The following NEDD4 variants were observed in gnomAD, a reference collection of about 807,000 sequenced individuals.
NEDD4 encodes the protein E3 ubiquitin-protein ligase NEDD4.
In NEDD4, 99 loss-of-function variants were observed where a neutral mutation model predicts 144.9. The ratio of observed to expected loss-of-function variants is 0.68; its 90% CI spans 0.58 to 0.81. The LOEUF (loss-of-function observed/expected upper bound fraction) is 0.81. Ranked by LOEUF, NEDD4 falls within the 30% of genes least tolerant of loss-of-function variation. The pLI, the probability that NEDD4 is intolerant of heterozygous loss-of-function variation, is 0.00. For synonymous variants in NEDD4, 318 were observed against 350.6 expected (o/e 0.91, Z 1.04); for missense variants, 985 against 1,065.9 (o/e 0.92, Z 1.06).
chr15:55,915,406 A>C (rs1353626831), intron 5 of NEDD4: 2 of 1,613,744 alleles, frequency 1.2e-6, no homozygotes. Flanking sequence ...CCTTTAGAAC[A>C]ATTGTGCTTA....
At chr15:55,836,127 G>A (rs1369735946) in intron 24 of NEDD4, among the ~76,000 whole-genome samples, 1 of 152,028 alleles carries the variant, frequency 6.6e-6, no homozygotes, top group Non-Finnish European at 1.5e-5. Flanking sequence ...TCCATGGTTG[G>A]CCAATCCCTC....
intron 4 of NEDD4, among the ~76,000 whole-genome samples, chr15:55,928,095 C>T (rs1286073261): frequency 3.3e-5 from 5 of 152,068 alleles, no homozygotes; most frequent in African/African-American, 1.2e-4. Flanking sequence ...GTGCAACCTC[C>T]GTCTCCTGGG....
chr15:55,983,623 T>G (rs2037842566), intron 1 of NEDD4, among the ~76,000 whole-genome samples: 1 of 151,724 alleles, frequency 6.6e-6, no homozygotes, highest in Non-Finnish European at 1.5e-5. Flanking sequence ...CTTTTTTTTT[T>G]TTTTTTGAGA....
At chr15:55,955,668 T>C (rs1249131031) in intron 2 of NEDD4, among the ~76,000 whole-genome samples, 3 of 152,158 alleles carry the variant, frequency 2.0e-5, no homozygotes, top group African/African-American at 7.2e-5. Context: ...ATAAACACTG[T>C]ATGTATATAC....
intron 1 of NEDD4, among the ~76,000 whole-genome samples, chr15:55,985,594 T>G (rs1157653634): frequency 1.3e-5 from 2 of 152,194 alleles, no homozygotes; most frequent in African/African-American, 4.8e-5. Flanking sequence ...GTCAAATTTT[T>G]TCACTGTTAG....
chr15:55,970,644 C>A (rs1012413889), intron 1 of NEDD4, among the ~76,000 whole-genome samples: 1 of 152,184 alleles, frequency 6.6e-6, no homozygotes, highest in Non-Finnish European at 1.5e-5. Context: ...GCCTGGTAAT[C>A]CAGGGAATTC....
intron 4 of NEDD4, among the ~76,000 whole-genome samples, chr15:55,943,508 G>A (rs975379579): frequency 6.6e-6 from 1 of 152,166 alleles, no homozygotes; most frequent in Non-Finnish European, 1.5e-5. Flanking sequence ...GTCTCAGGCC[G>A]CTGCTCTAGA....
chr15:55,849,727 T>C (rs1595746160), intron 14 of NEDD4, among the ~76,000 whole-genome samples: 1 of 150,546 alleles, frequency 6.6e-6, no homozygotes, highest in Non-Finnish European at 1.5e-5. Context: ...TTTAGTATTA[T>C]TTAAGCTATG....
intron 5 of NEDD4, among the ~76,000 whole-genome samples, chr15:55,915,103 AGT>A (rs1277844236): frequency 6.6e-6 from 1 of 152,142 alleles, no homozygotes; most frequent in African/African-American, 2.4e-5. Context: ...TAACAAATAG[AGT>A]AAAAAACTAT....
At chr15:55,854,351 C>T (rs1294408098) in intron 12 of NEDD4, among the ~76,000 whole-genome samples, 2 of 152,070 alleles carry the variant, frequency 1.3e-5, no homozygotes, top group Non-Finnish European at 2.9e-5. Context: ...TGATACATCA[C>T]AAAATGATGC....
At chr15:55,843,347 C>T (rs1437332673) in intron 18 of NEDD4, among the ~76,000 whole-genome samples, 1 of 152,194 alleles carries the variant, frequency 6.6e-6, no homozygotes, top group African/African-American at 2.4e-5. Flanking sequence ...TCATTTTACA[C>T]ATAAAACTGA....
chr15:55,832,134 C>G (rs1164040396), intron 27 of NEDD4, among the ~76,000 whole-genome samples: 2 of 145,508 alleles, frequency 1.4e-5, no homozygotes, highest in Non-Finnish European at 3.0e-5. Flanking sequence ...CTGCCTCCCA[C>G]AAGAAATGAA....
At chr15:55,949,247 T>G (rs1160452907) in intron 4 of NEDD4, among the ~76,000 whole-genome samples, 4 of 152,014 alleles carry the variant, frequency 2.6e-5, no homozygotes, top group Non-Finnish European at 5.9e-5. Flanking sequence ...AAAACCACAA[T>G]GAGATACCAT....
At chr15:55,917,009 G>C in intron 5 of NEDD4, 11 of 1,320,064 alleles carry the variant, frequency 8.3e-6, no homozygotes, top group Non-Finnish European at 9.6e-7. Flanking sequence ...ATCATAGAAA[G>C]AAAAAGACGA....
At position 55,833,967 on chromosome 15, in the gene NEDD4, A is replaced by T. The variant is rs1037135021; in HGVS notation, c.2430+71T>A. The T allele has an allele frequency of 3.2e-4, 346 of 1,074,062 alleles. 1 individual carries two copies. The highest frequency in any genetic ancestry group is 4.7e-4 in the Non-Finnish European group (334 of 716,404). The allele number at this position is 1,074,062 out of a possible 1,614,324, so 66.5% of individuals were successfully genotyped here. A position where few individuals can be genotyped will look rare whatever the true frequency, so the allele number is the denominator to read the frequency against. The stretch of plus-strand genomic sequence containing the variant: ...TTAAATGTAATCCACCAGTATAGTT[A>T]ATCAAGAGTTGACTTAAATATGATT... On this transcript the variant is annotated intron_variant, in intron 26 of 28. Coordinates refer to ENST00000435532, the MANE Select transcript of NEDD4 (RefSeq NM_006154.4).
intron 4 of NEDD4, among the ~76,000 whole-genome samples, chr15:55,936,856 G>T (rs2036899963): frequency 6.6e-6 from 1 of 150,648 alleles, no homozygotes; most frequent in Non-Finnish European, 1.5e-5. Context: ...ACAATGGTGT[G>T]AACTCGGCTC....
At chr15:55,940,235 A>G (rs1049888753) in intron 4 of NEDD4, among the ~76,000 whole-genome samples, 2 of 149,774 alleles carry the variant, frequency 1.3e-5, no homozygotes, top group South Asian at 4.1e-4. Context: ...GAGGGTACAT[A>G]TCAAGTGTTC....
intron 1 of NEDD4, 125 bp from the exon 2 acceptor site, chr15:55,966,671 ATAAT>A (rs1251106745): frequency 5.6e-5 from 25 of 446,352 alleles, no homozygotes; most frequent in Non-Finnish European, 9.3e-5. Flanking sequence ...ATCTTTTTCA[ATAAT>A]TAATTTTATT....
rs1260157654 is a variant in NEDD4 at position 55,840,647 on chromosome 15, C to T, written c.1919G>A (p.Arg640Gln). ...DHLSYFKFIG[R>Q]VAGMAVYHGK... ...ATGATAAACTGCCATTCCAGCTACC[C>T]GACCAATAAACTTGAAGTAAGAGAG... Residue 640 changes from arginine to glutamine, a missense_variant, in exon 20 of 29, where the codon CGG (arginine) becomes CAG (glutamine). Arg to Gln is a conservative substitution (Grantham distance 43, BLOSUM62 1). Coordinates refer to ENST00000435532, the MANE Select transcript of NEDD4 (RefSeq NM_006154.4). The T allele has an allele frequency of 5.6e-6, 9 of 1,614,054 alleles. No homozygotes were observed. The highest frequency in any genetic ancestry group is 3.3e-5 in the South Asian group (3 of 91,084).
Sources: gnomAD v4.1 joint callset for allele counts (sites outside exome capture counted in the v4.1 genomes callset) on GRCh38, gnomAD v4.1.1 for gene constraint, MANE v1.5 for transcripts, NCBI Gene and HGNC (gene_info 2026-07-23, HGNC 2026-07-21) for gene names.